Variants in ATP9B observed in about 807,000 individuals in gnomAD.
The protein encoded by ATP9B is ATPase phospholipid transporting 9B, also known as probable phospholipid-transporting ATPase IIB.
In ATP9B, 110 loss-of-function variants were observed where a neutral mutation model predicts 146.1. The observed-to-expected ratio is 0.75, with a 90% CI of 0.65 to 0.88. The LOEUF (loss-of-function observed/expected upper bound fraction) is 0.88, where lower values mean the gene tolerates loss of function less well. ATP9B is among the 40% of genes least tolerant of loss of function. ATP9B has a pLI of 0.00. For synonymous variants in ATP9B, 604 were observed against 569.7 expected (o/e 1.06, Z -0.86); for missense variants, 1,499 against 1,496.4 (o/e 1.00, Z -0.03).
chr18:79,112,931 G>C (rs1368900211), intron 3 of ATP9B, among the ~76,000 whole-genome samples: 1 of 152,038 alleles, frequency 6.6e-6, no homozygotes, highest in East Asian at 1.9e-4. Flanking sequence ...TACTAAATGA[G>C]TATGGAAAAC....
chr18:79,324,118 C>A (rs1323415459), intron 15 of ATP9B, among the ~76,000 whole-genome samples: 2 of 150,140 alleles, frequency 1.3e-5, no homozygotes, highest in Non-Finnish European at 2.9e-5. Flanking sequence ...CTGTTCAGAT[C>A]TTTTGCCCAT....
chr18:79,102,134 A>G (rs555186940), intron 2 of ATP9B, among the ~76,000 whole-genome samples: 1 of 152,136 alleles, frequency 6.6e-6, no homozygotes, highest in Admixed American at 6.6e-5. Flanking sequence ...GTATTTTGGT[A>G]GAGACAAAGT....
At position 79,373,914 on chromosome 18, in the gene ATP9B, T is replaced by TG. The variant is rs771179018; in HGVS notation, c.3091dup (p.Ala1031GlyfsTer8). 1.2e-6 allele frequency: 2 copies of TG among 1,612,968 alleles called. No individual in the cohort carries two copies. The highest frequency in any genetic ancestry group is 2.2e-5 in the South Asian group (2 of 91,022). On this transcript the variant is annotated frameshift_variant, in exon 28 of 30. Transcript: ENST00000426216. LOFTEE classifies it high-confidence loss of function. ...GTTTTTCAGGCGGCATCCTCATGTA[T>TG]GGGGCCCTGGTGCTCTTCGAGTCTG...
chr18:79,228,604 C>G (rs985561094), intron 11 of ATP9B, among the ~76,000 whole-genome samples: 1 of 152,068 alleles, frequency 6.6e-6, no homozygotes, highest in African/African-American at 2.4e-5. Flanking sequence ...TGTCTCTTTC[C>G]CTATATTTTG....
Position 79,273,818 on chromosome 18 carries a change from G to C in ATP9B, c.1269-3236G>C, listed in dbSNP as rs1387171906. 6.6e-5 allele frequency among the ~76,000 whole-genome samples: 10 copies of C among 152,182 alleles called. 1 individual carries two copies. Among genetic ancestry groups the C allele is most frequent in the Admixed American group, 5.9e-4 (9 of 15,282 alleles). ...GCTGTGGAGCAGAAGGAACTTTTTG[G>C]ACAATAGGGAGGTATAATTAAGAGA... On this transcript the variant is annotated intron_variant, in intron 12 of 29. Coordinates refer to ENST00000426216, the MANE Select transcript of ATP9B (RefSeq NM_198531.5).
At position 79,236,313 on chromosome 18, in the gene ATP9B, T is replaced by A. The variant is rs543145020; in HGVS notation, c.1108-17068T>A. 6.2e-4 allele frequency among the ~76,000 whole-genome samples: 94 copies of A among 152,338 alleles called. 1 individual carries two copies. Among genetic ancestry groups the A allele is most frequent in the African/African-American group, 2.2e-3 (92 of 41,570 alleles). Reference sequence around the variant, plus strand: ...TTGGTTTGGGAATTTCCTATGAAAGTCGTAGCTCATTTTCCCATTGGATTG... The same window carrying A: ...TTGGTTTGGGAATTTCCTATGAAAGACGTAGCTCATTTTCCCATTGGATTG... On this transcript the variant is annotated intron_variant, in intron 11 of 29. Transcript: ENST00000426216.
intron 26 of ATP9B, among the ~76,000 whole-genome samples, chr18:79,366,767 G>A (rs1252201880): frequency 1.3e-5 from 2 of 152,190 alleles, no homozygotes; most frequent in Admixed American, 1.3e-4. Flanking sequence ...CCCCCACCAC[G>A]CAGAGCCCTA....
chr18:79,369,501 C>T (rs2097056489), intron 26 of ATP9B, among the ~76,000 whole-genome samples: 1 of 145,218 alleles, frequency 6.9e-6, no homozygotes, highest in Non-Finnish European at 1.5e-5. Context: ...CCACTGCACT[C>T]CAGCCTGGGC....
intron 11 of ATP9B, among the ~76,000 whole-genome samples, chr18:79,238,601 C>G (rs2095863154): frequency 6.6e-6 from 1 of 152,208 alleles, no homozygotes; most frequent in African/African-American, 2.4e-5. Flanking sequence ...CCGTTCTGCG[C>G]TCTCCTCAAT....
intron 2 of ATP9B, among the ~76,000 whole-genome samples, chr18:79,100,571 G>A (rs187663182): frequency 3.2e-4 from 49 of 152,110 alleles, no homozygotes; most frequent in African/African-American, 1.1e-3. Context: ...GGTATATATT[G>A]TCATTCTTTT....
chr18:79,126,508 A>G, intron 5 of ATP9B, 133 bp downstream of exon 5: 1 of 620,262 alleles, frequency 1.6e-6, no homozygotes, highest in East Asian at 3.0e-5. Flanking sequence ...TATGATATCT[A>G]ATTAATTTCC....
intron 15 of ATP9B, among the ~76,000 whole-genome samples, chr18:79,319,670 G>T (rs754959392): frequency 6.6e-6 from 1 of 152,180 alleles, no homozygotes; most frequent in Non-Finnish European, 1.5e-5. Flanking sequence ...AAGGAAACCG[G>T]CCTGAAGAAT....
At chr18:79,197,227 A>G (rs1171311324) in intron 9 of ATP9B, among the ~76,000 whole-genome samples, 1 of 152,194 alleles carries the variant, frequency 6.6e-6, no homozygotes, top group Admixed American at 6.5e-5. Flanking sequence ...CAATTTTTGT[A>G]TCATAGGAGA....
At chr18:79,211,670 T>C (rs2095585277) in intron 10 of ATP9B, among the ~76,000 whole-genome samples, 1 of 152,256 alleles carries the variant, frequency 6.6e-6, no homozygotes, top group Non-Finnish European at 1.5e-5. Context: ...CTAAATCTTT[T>C]AAAATGTTGT....
At position 79,342,379 on chromosome 18, in the gene ATP9B, C is replaced by T. The variant is rs113652286; in HGVS notation, c.2382+13C>T. The T allele has an allele frequency of 1.3e-3, 2,039 of 1,561,264 alleles. 11 individuals carry two copies. The African/African-American group carries it at 0.023, about 18-fold the overall frequency. On this transcript the variant is annotated intron_variant, in intron 20 of 29. Transcript: ENST00000426216. ...TATTTTCAGACAGGTAAGTATGTAT[C>T]TTAATCACTTTGAATTTTTAAACAT...
intron 26 of ATP9B, chr18:79,361,261 C>T (rs182836542): frequency 2.6e-5 from 4 of 152,268 alleles, no homozygotes; most frequent in East Asian, 1.9e-4. Flanking sequence ...TTAGATTGTA[C>T]GCACCAGTCT....
intron 26 of ATP9B, chr18:79,361,832 C>T (rs918242808): frequency 2.4e-5 from 24 of 984,502 alleles, no homozygotes; most frequent in South Asian, 4.7e-5. Flanking sequence ...TTATCCACAC[C>T]GGTCAGTGTC....
chr18:79,246,759 A>T (rs868424932), intron 11 of ATP9B, among the ~76,000 whole-genome samples: 1 of 152,112 alleles, frequency 6.6e-6, no homozygotes, highest in Non-Finnish European at 1.5e-5. Flanking sequence ...CCAGCCGCCT[A>T]TGGGAGGTGT....
intron 1 of ATP9B, among the ~76,000 whole-genome samples, chr18:79,070,217 T>G (rs940232320): frequency 3.3e-5 from 5 of 152,222 alleles, no homozygotes; most frequent in Non-Finnish European, 5.9e-5. Context: ...AAGTGTTGCT[T>G]CTTATAGTTT....
Sources: allele counts gnomAD v4.1 joint callset (sites outside exome capture counted in the v4.1 genomes callset), GRCh38; gene constraint gnomAD v4.1.1; transcripts MANE v1.5; gene names NCBI Gene and HGNC (gene_info 2026-07-23, HGNC 2026-07-21).